The following APCDD1L variants were observed in gnomAD, a reference collection of about 807,000 sequenced individuals.
APCDD1L encodes the protein protein APCDD1-like.
A neutral mutation model predicts 24.2 loss-of-function variants in APCDD1L; 21 were observed. That is an observed-to-expected ratio of 0.87 (90% CI 0.61 to 1.25). APCDD1L has a LOEUF of 1.25. APCDD1L is among the 50% of genes most tolerant of loss of function. The probability of loss-of-function intolerance (pLI) is 0.00; values close to 1 mark genes in which losing one functional copy is unlikely to be tolerated. For synonymous variants in APCDD1L, 321 were observed against 323.6 expected, an observed-to-expected ratio of 0.99 and a Z score of 0.09; for missense variants, 704 against 711.7, an observed-to-expected ratio of 0.99 and a Z score of 0.12.
intron 1 of APCDD1L, among the ~76,000 whole-genome samples, chr20:58,483,969 C>T (rs940154145): frequency 9.9e-5 from 15 of 152,120 alleles, no homozygotes; most frequent in African/African-American, 2.9e-4. Flanking sequence ...GGAGGGGGCA[C>T]AGTCAGAATG....
chr20:58,463,895 G>GGA (rs1491346361), intron 3 of APCDD1L, among the ~76,000 whole-genome samples: 2 of 21,390 alleles, frequency 9.4e-5, no homozygotes, highest in South Asian at 4.1e-3. Flanking sequence ...GTTTTTTTTT[G>GGA]GGGGGGGGGG....
intron 1 of APCDD1L, among the ~76,000 whole-genome samples, chr20:58,514,177 G>A (rs994067180): frequency 6.6e-6 from 1 of 152,170 alleles, no homozygotes; most frequent in African/African-American, 2.4e-5. Flanking sequence ...GGGTCACTGC[G>A]CGCTCCCTAG....
In APCDD1L at chr20:58,461,985, C is replaced by G. The variant is rs1006832841; in HGVS notation, c.742-431G>C. On this transcript the variant is annotated intron_variant, in intron 3 of 3. Coordinates refer to ENST00000371149, the MANE Select transcript of APCDD1L (RefSeq NM_153360.3). The surrounding 1 kb of genome is among the most constrained non-coding windows in gnomAD (Gnocchi z 6.0). ...CACCCCTCATCAAACTGGAATGCAT[C>G]GTGCCTTACAGTACTAAAAAGCCCT... 5.9e-6 allele frequency: 1 copy of G among 170,932 alleles called. No individual in the cohort carries two copies. Among genetic ancestry groups the G allele is most frequent in the Non-Finnish European group, 1.2e-5 (1 of 81,120 alleles). The allele number at this position is 170,932 out of a possible 1,614,324, so 10.6% of individuals were successfully genotyped here.
chr20:58,499,781 TG>T (rs1164664600), intron 1 of APCDD1L, among the ~76,000 whole-genome samples: 1 of 152,222 alleles, frequency 6.6e-6, no homozygotes, highest in Non-Finnish European at 1.5e-5. Flanking sequence ...CACCCATCCC[TG>T]TCTCTCCTCT....
At position 58,460,744 on chromosome 20, in the gene APCDD1L, G is replaced by T. The variant is rs779650921; in HGVS notation, c.*46C>A. 10 of 1,503,514 alleles carry T rather than the reference G, an allele frequency of 6.7e-6. No homozygotes were observed. Among genetic ancestry groups the T allele is most frequent in the South Asian group, 1.4e-5 (1 of 72,414 alleles). The allele number at this position is 1,503,514 out of a possible 1,614,324, so 93.1% of individuals were successfully genotyped here. A position where few individuals can be genotyped will look rare whatever the true frequency, so the allele number is the denominator to read the frequency against. On this transcript the variant is annotated 3_prime_UTR_variant, in exon 4 of 4. Transcript: ENST00000371149. The surrounding 1 kb of genome is among the most constrained non-coding windows in gnomAD (Gnocchi z 4.2). ...ACAGCTGCCAGGAGGGAGTCTGAAG[G>T]GTTGAATGGGTGTCCAGAGCCGCCA...
At chr20:58,464,234 C>T (rs1420639187) in intron 3 of APCDD1L, among the ~76,000 whole-genome samples, 1 of 152,182 alleles carries the variant, frequency 6.6e-6, no homozygotes, top group Non-Finnish European at 1.5e-5. Flanking sequence ...CAGAGCTGTC[C>T]TTACCCACCA....
chr20:58,502,924 A>G (rs891138598), intron 1 of APCDD1L, among the ~76,000 whole-genome samples: 1 of 152,204 alleles, frequency 6.6e-6, no homozygotes, highest in African/African-American at 2.4e-5. Flanking sequence ...TCAGGGGCCC[A>G]ACCTCTCTTC....
Position 58,461,734 on chromosome 20 carries a change from A to G in APCDD1L, c.742-180T>C. The stretch of plus-strand genomic sequence containing the variant: ...GGACGACCTCCTTGCTTCAGCCAGG[A>G]TGGCCTCCTTGATGGAGGTCAGCCC... On this transcript the variant is annotated intron_variant, in intron 3 of 3. Transcript: ENST00000371149. This position sits in a 1 kb window ranked among gnomAD's most constrained non-coding sequence, Gnocchi z 6.0. 1 of 573,970 alleles carries G rather than the reference A, an allele frequency of 1.7e-6. No individual in the cohort carries two copies. Among genetic ancestry groups the G allele is most frequent in the Non-Finnish European group, 2.6e-6 (1 of 381,826 alleles). The allele number at this position is 573,970 out of a possible 1,614,324, so 35.6% of individuals were successfully genotyped here.
chr20:58,505,384 A>C (rs1421740535), intron 1 of APCDD1L, among the ~76,000 whole-genome samples: 2 of 152,178 alleles, frequency 1.3e-5, no homozygotes, highest in African/African-American at 4.8e-5. Flanking sequence ...TCTTGTTCTA[A>C]CATTATGTCA....
chr20:58,465,896 CTG>C (rs1166235876), intron 3 of APCDD1L, among the ~76,000 whole-genome samples: 1 of 152,108 alleles, frequency 6.6e-6, no homozygotes, highest in African/African-American at 2.4e-5. Context: ...ACTTGGGTAA[CTG>C]TTTTAATAGA....
At position 58,461,514 on chromosome 20, in the gene APCDD1L, C is replaced by T. The variant is rs41307189; in HGVS notation, c.782G>A (p.Arg261His). The T allele has an allele frequency of 1.2e-3, 1,701 of 1,445,678 alleles. 4 individuals are homozygous for T. The highest frequency in any genetic ancestry group is 1.4e-3 in the Non-Finnish European group (1,497 of 1,094,688). 89.6% of individuals were successfully genotyped at this position (1,445,678 alleles called of 1,614,324 possible). The change falls in exon 4 of 4, where the codon CGC (arginine) becomes CAC (histidine). Residue 261 changes from arginine (R) to histidine (H), a missense_variant. Coordinates refer to ENST00000371149, the MANE Select transcript of APCDD1L (RefSeq NM_153360.3). The surrounding 1 kb of genome is among the most constrained non-coding windows in gnomAD (Gnocchi z 6.0). ...QPCPACGLIA[R>H]SDVHHPPVLP... ...CACGGGCGGGTGGTGCACATCGGAG[C>T]GGGCAATGAGGCCACAGGCTGGGCA...
chr20:58,469,508 G>T (rs1341053302), intron 2 of APCDD1L, among the ~76,000 whole-genome samples: 1 of 152,170 alleles, frequency 6.6e-6, no homozygotes, highest in African/African-American at 2.4e-5. Context: ...AGTTCTAGAA[G>T]AAATTTCTTA....
chr20:58,463,584 T>C (rs6128349), intron 3 of APCDD1L, among the ~76,000 whole-genome samples: 27,424 of 151,992 alleles, frequency 0.18, 3,425 homozygotes, highest in African/African-American at 0.35. Flanking sequence ...GCCGCCCAGA[T>C]TGTAGGCCAG....
chr20:58,472,090 C>G (rs1989822090), intron 1 of APCDD1L, among the ~76,000 whole-genome samples: 1 of 152,200 alleles, frequency 6.6e-6, no homozygotes, highest in African/African-American at 2.4e-5. Flanking sequence ...TGCCTGACCC[C>G]AAACTCTCTG....
intron 1 of APCDD1L, among the ~76,000 whole-genome samples, chr20:58,478,683 C>T (rs1050903268): frequency 2.0e-5 from 3 of 152,118 alleles, no homozygotes; most frequent in Non-Finnish European, 4.4e-5. Context: ...GCTTGTGGTC[C>T]ATAGCAGCAC....
At chr20:58,509,695 A>C (rs913515155) in intron 1 of APCDD1L, among the ~76,000 whole-genome samples, 14 of 152,168 alleles carry the variant, frequency 9.2e-5, no homozygotes, top group Non-Finnish European at 4.4e-5. Context: ...CATTGATAGC[A>C]CATGTGCTGG....
At chr20:58,470,464 G>T in intron 2 of APCDD1L, 145 bp downstream of exon 2, 1 of 1,187,076 alleles carries the variant, frequency 8.4e-7, no homozygotes, top group Non-Finnish European at 1.1e-6. Flanking sequence ...TGGGAGGGGA[G>T]GCAAGCATCT....
At chr20:58,469,446 A>G (rs2865463) in intron 2 of APCDD1L, among the ~76,000 whole-genome samples, 63,163 of 151,836 alleles carry the variant, frequency 0.42, 13,475 homozygotes, top group African/African-American at 0.48. Flanking sequence ...TCTTCTCCCA[A>G]GAAGCAGCAA....
intron 1 of APCDD1L, among the ~76,000 whole-genome samples, chr20:58,473,324 G>A (rs1431455167): frequency 6.6e-6 from 1 of 152,090 alleles, no homozygotes; most frequent in Non-Finnish European, 1.5e-5. Context: ...TTTCTGCCGA[G>A]TGCATTTTAG....
Sources: gnomAD v4.1 joint callset for allele counts (sites outside exome capture counted in the v4.1 genomes callset) on GRCh38, gnomAD v4.1.1 for gene constraint, Gnocchi (gnomAD v3.1) non-coding constraint, MANE v1.5 for transcripts, NCBI Gene and HGNC (gene_info 2026-07-23, HGNC 2026-07-21) for gene names.